Variants in MACROD2 observed in about 807,000 individuals in gnomAD.
The protein encoded by MACROD2 is ADP-ribose glycohydrolase MACROD2.
Under a neutral mutation model 70.4 loss-of-function variants are expected in MACROD2, and 36 were observed. The ratio of observed to expected loss-of-function variants is 0.51; its 90% confidence interval spans 0.39 to 0.68. The LOEUF (loss-of-function observed/expected upper bound fraction) is 0.68, where lower values mean the gene tolerates loss of function less well. MACROD2 is among the 30% of genes least tolerant of loss of function. The pLI is 0.00. For missense variants in MACROD2, 496 were observed against 538.4 expected (o/e 0.92, Z 0.78); for synonymous variants, 172 against 178.8 (o/e 0.96, Z 0.30).
chr20:14,978,632 C>A (rs1450081325), intron 5 of MACROD2, among the ~76,000 whole-genome samples: 1 of 147,080 alleles, frequency 6.8e-6, no homozygotes, highest in Admixed American at 6.9e-5. Flanking sequence ...ACCCCCCCAC[C>A]CCACCCCATG....
At chr20:14,307,256 G>T (rs1325091961) in intron 3 of MACROD2, among the ~76,000 whole-genome samples, 1 of 152,108 alleles carries the variant, frequency 6.6e-6, no homozygotes, top group South Asian at 2.1e-4. Flanking sequence ...ACCTTTGTAT[G>T]TGTGGTTCTG....
intron 5 of MACROD2, among the ~76,000 whole-genome samples, chr20:15,201,535 A>G (rs914017175): frequency 2.6e-5 from 4 of 152,160 alleles, no homozygotes; most frequent in Non-Finnish European, 5.9e-5. Context: ...CACACATTCA[A>G]CTCTAATTCA....
chr20:14,973,595 T>G (rs2122810446), intron 5 of MACROD2, among the ~76,000 whole-genome samples: 1 of 152,252 alleles, frequency 6.6e-6, no homozygotes, highest in East Asian at 1.9e-4. Flanking sequence ...AATGACCACT[T>G]GATTATGAAA....
Position 15,916,434 on chromosome 20 carries a change from A to T in MACROD2, c.776-16842A>T, listed in dbSNP as rs141098066. On this transcript the variant is annotated intron_variant, in intron 10 of 17. Coordinates refer to ENST00000684519, the MANE Select transcript of MACROD2 (RefSeq NM_001351661.2). ...GGCTGTGTTCTGTTCATTAGAACTG[A>T]GTCCCTAAACCCTGCATACACGCAA... is the stretch of plus-strand genomic sequence containing the variant. Among the ~76,000 whole-genome samples, 196 of 152,360 alleles carry T rather than the reference A, an allele frequency of 1.3e-3. 2 individuals carry two copies. Among genetic ancestry groups the T allele is most frequent in the African/African-American group, 4.5e-3 (186 of 41,586 alleles).
At chr20:15,624,849 C>T (rs2049179899) in intron 8 of MACROD2, among the ~76,000 whole-genome samples, 1 of 152,144 alleles carries the variant, frequency 6.6e-6, no homozygotes, top group Non-Finnish European at 1.5e-5. Context: ...TTCTTCCAAA[C>T]ATAACAACTA....
At chr20:15,299,826 G>A (rs1450650248) in intron 6 of MACROD2, among the ~76,000 whole-genome samples, 1 of 152,210 alleles carries the variant, frequency 6.6e-6, no homozygotes, top group African/African-American at 2.4e-5. Context: ...ATGGGTATGG[G>A]AACCCACCTG....
In MACROD2 at chr20:14,561,030, A is replaced by G. The variant is rs6105293; in HGVS notation, c.301+67522A>G. Among the ~76,000 whole-genome samples the G allele has an allele frequency of 1.3e-3, 202 of 151,882 alleles. 1 individual carries two copies. The highest frequency in any genetic ancestry group is 4.5e-3 in the African/African-American group (187 of 41,512). ...GACTGTCAGATCCAAATAAAGTTTT[A>G]TTGCTTTATTGTTATGTGCAATAAT... On this transcript the variant is annotated intron_variant, in intron 4 of 17. Transcript: ENST00000684519.
chr20:14,084,561 T>A (rs1388364847), intron 2 of MACROD2, among the ~76,000 whole-genome samples: 2 of 152,234 alleles, frequency 1.3e-5, no homozygotes, highest in Admixed American at 1.3e-4. Flanking sequence ...ACTAGATTTA[T>A]CTTATTGCTA....
chr20:14,007,290 A>G (rs1408416076), intron 2 of MACROD2, among the ~76,000 whole-genome samples: 1 of 152,168 alleles, frequency 6.6e-6, no homozygotes, highest in Non-Finnish European at 1.5e-5. Context: ...TTTCAGATTG[A>G]GTTCATTCCC....
intron 5 of MACROD2, among the ~76,000 whole-genome samples, chr20:14,987,508 A>T (rs192510002): frequency 6.6e-6 from 1 of 152,312 alleles, no homozygotes; most frequent in East Asian, 1.9e-4. Context: ...AGTATTTTAA[A>T]GTCACAAATC....
intron 5 of MACROD2, among the ~76,000 whole-genome samples, chr20:14,890,520 C>A (rs1365667047): frequency 6.6e-6 from 1 of 151,976 alleles, no homozygotes; most frequent in Non-Finnish European, 1.5e-5. Context: ...GTAATTCCAG[C>A]AATTTGGAAG....
intron 5 of MACROD2, among the ~76,000 whole-genome samples, chr20:15,226,908 G>T (rs2076911477): frequency 6.6e-6 from 1 of 152,070 alleles, no homozygotes; most frequent in East Asian, 1.9e-4. Context: ...TTCAAAGACA[G>T]GCCTCCTGAC....
At chr20:14,451,987 C>T (rs1055820842) in intron 3 of MACROD2, among the ~76,000 whole-genome samples, 8 of 152,046 alleles carry the variant, frequency 5.3e-5, no homozygotes, top group Non-Finnish European at 1.0e-4. Context: ...ATAAAGCTCA[C>T]GCTCAGAAAG....
At chr20:14,287,237 C>T (rs1402248416) in intron 3 of MACROD2, among the ~76,000 whole-genome samples, 1 of 152,146 alleles carries the variant, frequency 6.6e-6, no homozygotes, top group Non-Finnish European at 1.5e-5. Context: ...AATGGAAATT[C>T]AACTTCAATT....
At chr20:15,745,275 T>C (rs1432764681) in intron 8 of MACROD2, among the ~76,000 whole-genome samples, 1 of 152,216 alleles carries the variant, frequency 6.6e-6, no homozygotes, top group Non-Finnish European at 1.5e-5. Context: ...TGTTAGGTCA[T>C]AGGTAAGCAT....
chr20:15,584,895 T>C (rs17693978), intron 8 of MACROD2, among the ~76,000 whole-genome samples: 36,874 of 152,224 alleles, frequency 0.24, 5,648 homozygotes, highest in Non-Finnish European at 0.33. Context: ...CCAGTGACTA[T>C]AACCTTCATA....
chr20:14,716,868 A>G (rs2071402579), intron 5 of MACROD2, among the ~76,000 whole-genome samples: 1 of 152,200 alleles, frequency 6.6e-6, no homozygotes, highest in African/African-American at 2.4e-5. Flanking sequence ...GGTGGAGGAA[A>G]GGAACCTGGC....
At position 14,827,703 on chromosome 20, in the gene MACROD2, A is replaced by T. The variant is rs1469195107; in HGVS notation, c.418+142744A>T. Reference sequence around the variant, plus strand: ...TATTCTCCTTGCCAGAAAAAAAAAAAAAGTTGTTGGAACATACTCTTTGCT... The same window carrying T: ...TATTCTCCTTGCCAGAAAAAAAAAATAAGTTGTTGGAACATACTCTTTGCT... On this transcript the variant is annotated intron_variant, in intron 5 of 17. Transcript: ENST00000684519. Among the ~76,000 whole-genome samples, 3 of 152,090 alleles carry T rather than the reference A, an allele frequency of 2.0e-5. No individual in the cohort carries two copies. The East Asian group carries it at 5.8e-4, about 29-fold the overall frequency.
intron 9 of MACROD2, among the ~76,000 whole-genome samples, chr20:15,866,138 A>C (rs6131734): frequency 0.1 from 15,866 of 152,220 alleles, 1,188 homozygotes; most frequent in East Asian, 0.37. Flanking sequence ...GGCCAGGCAC[A>C]GTGGCTCATG....
Sources: allele counts gnomAD v4.1 joint callset (sites outside exome capture counted in the v4.1 genomes callset), GRCh38; gene constraint gnomAD v4.1.1; transcripts MANE v1.5; gene names NCBI Gene and HGNC (gene_info 2026-07-23, HGNC 2026-07-21).